FBLN7: variants seen among roughly 807,000 people sequenced by gnomAD.
FBLN7 encodes the protein fibulin 7.
FBLN7 carries 31 observed loss-of-function variants against 44.0 expected under a neutral mutation model. The observed-to-expected ratio is 0.70, with a 90% confidence interval of 0.53 to 0.95. FBLN7 has a LOEUF of 0.95. FBLN7 is among the 40% of genes least tolerant of loss of function. FBLN7 has a pLI of 0.00. For synonymous variants in FBLN7, 262 were observed against 253.4 expected (o/e 1.03, Z -0.32); for missense variants, 573 against 618.5 (o/e 0.93, Z 0.78).
intron 3 of FBLN7, among the ~76,000 whole-genome samples, chr2:112,168,293 C>A (rs933908210): frequency 2.0e-5 from 3 of 152,198 alleles, no homozygotes; most frequent in South Asian, 2.1e-4. Context: ...ACAGCATGTG[C>A]TATCAAAAAC....
rs368556603 is a variant in FBLN7 at position 112,144,426 on chromosome 2, T to C, written c.75+5696T>C. ...GCAGCAAGCTGCACTTTTTTGATTC[T>C]AAATAAGAAAATTAACTTCGTATAA... On this transcript the variant is annotated intron_variant, in intron 1 of 7. Coordinates refer to ENST00000331203, the MANE Select transcript of FBLN7 (RefSeq NM_153214.3). Among the ~76,000 whole-genome samples the C allele has an allele frequency of 2.4e-3, 365 of 152,304 alleles. 9 individuals are homozygous for C. Among genetic ancestry groups the C allele is most frequent in the East Asian group, 5.8e-3 (30 of 5,194 alleles).
downstream of FBLN7, chr2:112,189,816 A>C (rs1286394721): frequency 6.6e-6 from 1 of 152,238 alleles, no homozygotes; most frequent in Non-Finnish European, 1.5e-5. Flanking sequence ...ATATTTTAGA[A>C]TGTATCTCTA....
At chr2:112,149,829 A>G (rs1681066567) in intron 1 of FBLN7, among the ~76,000 whole-genome samples, 1 of 152,216 alleles carries the variant, frequency 6.6e-6, no homozygotes, top group Non-Finnish European at 1.5e-5. Context: ...TAACTCAAGT[A>G]AGTAAAATGT....
chr2:112,162,191 G>T (rs1245729715), intron 2 of FBLN7, among the ~76,000 whole-genome samples: 4 of 151,770 alleles, frequency 2.6e-5, no homozygotes, highest in Non-Finnish European at 4.4e-5. Context: ...TGAAAATTTT[G>T]TAAAGATGGG....
chr2:112,200,965 C>T, the FBLN7 span, among the ~76,000 whole-genome samples: 2 of 152,186 alleles, frequency 1.3e-5, no homozygotes, highest in African/African-American at 4.8e-5. Flanking sequence ...TGAGCAAGTG[C>T]CTTTTATGTG....
chr2:112,204,772 T>C, the FBLN7 span, among the ~76,000 whole-genome samples: 3 of 152,200 alleles, frequency 2.0e-5, no homozygotes, highest in Non-Finnish European at 4.4e-5. Context: ...AATGTATTGT[T>C]AGCACACATA....
chr2:112,222,680 T>C, the FBLN7 span, among the ~76,000 whole-genome samples: 89 of 152,260 alleles, frequency 5.8e-4, no homozygotes, highest in South Asian at 5.0e-3. Context: ...AAAAAGGACA[T>C]ACTGTATGAT....
intron 3 of FBLN7, among the ~76,000 whole-genome samples, chr2:112,175,268 A>C (rs796357459): frequency 3.9e-5 from 6 of 152,356 alleles, no homozygotes; most frequent in African/African-American, 1.4e-4. Flanking sequence ...CTGTTTAAAA[A>C]TGTTTCTCCC....
the FBLN7 span, among the ~76,000 whole-genome samples, chr2:112,235,764 G>GA: frequency 6.6e-6 from 1 of 152,034 alleles, no homozygotes; most frequent in Non-Finnish European, 1.5e-5. Context: ...GGAGTGGGGA[G>GA]ATTCAGTAAG....
intron 3 of FBLN7, 34 bp from the exon 4 acceptor site, chr2:112,175,680 C>T (rs755089394): frequency 1.7e-5 from 27 of 1,612,226 alleles, no homozygotes; most frequent in Non-Finnish European, 2.2e-5. Context: ...CTAGAACTCA[C>T]ATCCGTATAT....
intron 3 of FBLN7, among the ~76,000 whole-genome samples, chr2:112,172,564 T>A (rs1422994627): frequency 6.6e-6 from 1 of 151,936 alleles, no homozygotes; most frequent in Non-Finnish European, 1.5e-5. Flanking sequence ...TTAGGATCTG[T>A]CTCAGTGCCA....
rs1361480854 is a variant in FBLN7, at chr2:112,187,283, C to G, written c.1097C>G (p.Ala366Gly). Residue 366 changes from alanine to glycine, a missense_variant, in exon 8 of 8, where the codon GCT becomes GGT. Coordinates refer to ENST00000331203, the MANE Select transcript of FBLN7 (RefSeq NM_153214.3). This position sits in a 1 kb window ranked among gnomAD's most constrained non-coding sequence, Gnocchi z 5.1. ...RMATASAPGR[A>G]GPNSLRFGIV... ...GCCACAGCCTCTGCCCCCGGCCGAG[C>G]TGGGCCCAACAGCCTGCGGTTTGGG... 2 of 1,614,192 alleles carry G rather than the reference C, an allele frequency of 1.2e-6. No homozygotes were observed. Among genetic ancestry groups the G allele is most frequent in the East Asian group, 4.5e-5 (2 of 44,888 alleles).
At chr2:112,203,596 G>A in the FBLN7 span, among the ~76,000 whole-genome samples, 3 of 151,290 alleles carry the variant, frequency 2.0e-5, no homozygotes, top group Admixed American at 2.0e-4. Flanking sequence ...GCCCAAAGAA[G>A]TATGCTCCCA....
the FBLN7 span, among the ~76,000 whole-genome samples, chr2:112,233,801 G>A: frequency 3.9e-4 from 60 of 152,096 alleles, no homozygotes; most frequent in African/African-American, 1.3e-3. Context: ...CCCAGGAGGC[G>A]GAGCTTGCAG....
intron 1 of FBLN7, among the ~76,000 whole-genome samples, chr2:112,143,292 T>C (rs1389291840): frequency 6.6e-6 from 1 of 152,096 alleles, no homozygotes; most frequent in Non-Finnish European, 1.5e-5. Flanking sequence ...AGAACAAATA[T>C]CTAACCATCA....
chr2:112,150,237 G>A (rs1172010349), intron 1 of FBLN7, among the ~76,000 whole-genome samples: 2 of 152,208 alleles, frequency 1.3e-5, no homozygotes, highest in African/African-American at 4.8e-5. Flanking sequence ...GCTGGGGTCA[G>A]AGAGCAAGAC....
At chr2:112,196,236 G>C in the FBLN7 span, among the ~76,000 whole-genome samples, 2 of 152,012 alleles carry the variant, frequency 1.3e-5, no homozygotes, top group Non-Finnish European at 2.9e-5. Context: ...ACTGACTCAG[G>C]GCAGAAAGGG....
the FBLN7 span, among the ~76,000 whole-genome samples, chr2:112,210,261 A>G: frequency 2.0e-5 from 3 of 152,074 alleles, no homozygotes; most frequent in Non-Finnish European, 4.4e-5. Context: ...AGCAGTAGGT[A>G]GCTGCAGTGG....
chr2:112,140,161 G>T (rs1324691819), intron 1 of FBLN7, among the ~76,000 whole-genome samples: 17 of 124,812 alleles, frequency 1.4e-4, no homozygotes, highest in African/African-American at 5.5e-4. Context: ...TGTCCCTCCC[G>T]CCTCTCTCCA....
Sources: allele counts gnomAD v4.1 joint callset (sites outside exome capture counted in the v4.1 genomes callset), GRCh38; gene constraint gnomAD v4.1.1; non-coding constraint Gnocchi (gnomAD v3.1); transcripts MANE v1.5; gene names NCBI Gene and HGNC (gene_info 2026-07-23, HGNC 2026-07-21).